The following CPM variants were observed in gnomAD, a reference collection of about 807,000 sequenced individuals.
CPM encodes the protein renal carboxypeptidase.
A neutral mutation model predicts 46.4 loss-of-function variants in CPM; 35 were observed. That is an observed-to-expected ratio of 0.75 (90% CI 0.58 to 1.00). CPM has a LOEUF of 1.00. CPM is among the 50% of genes least tolerant of loss of function. The pLI, the probability that CPM is intolerant of heterozygous loss-of-function variation, is 0.00. For missense variants in CPM, 422 were observed against 530.4 expected (o/e 0.80, Z 2.01); for synonymous variants, 195 against 195.3 (o/e 1.00, Z 0.01).
At chr12:68,861,457 C>T (rs1351518610) in intron 7 of CPM, among the ~76,000 whole-genome samples, 1 of 152,042 alleles carries the variant, frequency 6.6e-6, no homozygotes, top group African/African-American at 2.4e-5. Context: ...GTTGACTTCC[C>T]CAAAACCAAC....
At chr12:68,898,954 A>G (rs916235175) in intron 2 of CPM, among the ~76,000 whole-genome samples, 6 of 152,238 alleles carry the variant, frequency 3.9e-5, no homozygotes, top group African/African-American at 1.4e-4. Flanking sequence ...CCTCAGGTGT[A>G]CAAATTGGCT....
chr12:68,926,712 C>A (rs527357877), intron 2 of CPM, among the ~76,000 whole-genome samples: 34 of 152,200 alleles, frequency 2.2e-4, no homozygotes, highest in Non-Finnish European at 4.3e-4. Flanking sequence ...TCCCTCCCCG[C>A]TCCCCCAACC....
At chr12:68,861,411 ATGGTGTTGTGTCTGT>A (rs1171657791) in intron 7 of CPM, among the ~76,000 whole-genome samples, 2 of 152,146 alleles carry the variant, frequency 1.3e-5, no homozygotes, top group African/African-American at 4.8e-5. Context: ...CTTGTGCTGG[ATGGTGTTGTGTCTGT>A]TGGCATCTTT....
intron 3 of CPM, among the ~76,000 whole-genome samples, chr12:68,882,259 G>C (rs11177406): frequency 6.6e-6 from 1 of 152,000 alleles, no homozygotes; most frequent in African/African-American, 2.4e-5. Flanking sequence ...TCCTCAAGTA[G>C]ATGCTGGTAG....
intron 2 of CPM, among the ~76,000 whole-genome samples, chr12:68,923,442 T>C (rs1888123186): frequency 6.6e-6 from 1 of 152,144 alleles, no homozygotes. Context: ...TTTTGGATGC[T>C]GGCCACATGA....
intron 1 of CPM, among the ~76,000 whole-genome samples, chr12:68,949,013 A>G (rs1888892565): frequency 6.6e-6 from 1 of 152,190 alleles, no homozygotes. Context: ...CACAAAATAT[A>G]CTTTATTAAT....
In CPM at chr12:68,931,719, C is replaced by T. The variant is rs1298567491; in HGVS notation, c.160+959G>A. The stretch of plus-strand genomic sequence containing the variant: ...CGAGATCACGCCACTGCACTCCAGC[C>T]TGGGCAACAGAGCGAGACTCTGACC... On this transcript the variant is annotated intron_variant, in intron 2 of 8. Transcript: ENST00000551568. Among the ~76,000 whole-genome samples, 6 of 126,606 alleles carry T rather than the reference C, an allele frequency of 4.7e-5. No individual in the cohort carries two copies. The Admixed American group carries it at 5.7e-4, about 12-fold the overall frequency. 83.1% of individuals were successfully genotyped at this position (126,606 alleles called of 152,430 possible). A position where few individuals can be genotyped will look rare whatever the true frequency, so the allele number is the denominator to read the frequency against.
At chr12:68,893,515 C>T (rs1165516310) in intron 2 of CPM, among the ~76,000 whole-genome samples, 1 of 152,142 alleles carries the variant, frequency 6.6e-6, no homozygotes, top group East Asian at 1.9e-4. Context: ...GTCAGGTGTC[C>T]CAGGGGTCTT....
In CPM at chr12:68,901,110, T is replaced by C. The variant is rs1017544239; in HGVS notation, c.161-15221A>G. Among the ~76,000 whole-genome samples, 10 of 152,340 alleles carry C rather than the reference T, an allele frequency of 6.6e-5. No individual in the cohort carries two copies. In the East Asian group the frequency reaches 1.2e-3, roughly 18 times the overall value. ...ACCTTCCTCTCAATTTTGCTTTAGA[T>C]AATTTTGCTTTTGGGTACTGGTTCT... On this transcript the variant is annotated intron_variant, in intron 2 of 8. Coordinates refer to ENST00000551568, the MANE Select transcript of CPM (RefSeq NM_198320.5).
At position 68,894,966 on chromosome 12, in the gene CPM, T is replaced by C. The variant is rs1463459634; in HGVS notation, c.161-9077A>G. Among the ~76,000 whole-genome samples the C allele has an allele frequency of 2.0e-5, 3 of 147,240 alleles. No individual in the cohort carries two copies. In the Admixed American group the frequency reaches 2.1e-4, roughly 10 times the overall value. On this transcript the variant is annotated intron_variant, in intron 2 of 8. Coordinates refer to ENST00000551568, the MANE Select transcript of CPM (RefSeq NM_198320.5). ...ATCACTTGAACCTGGGAAGTGGAGG[T>C]TGCAGTAAGCCGAGATCGCACCGCT...
At chr12:68,929,395 T>C (rs1888410951) in intron 2 of CPM, among the ~76,000 whole-genome samples, 1 of 152,198 alleles carries the variant, frequency 6.6e-6, no homozygotes, top group Non-Finnish European at 1.5e-5. Flanking sequence ...GGGAGGTGCT[T>C]CCTTAATTGA....
At chr12:68,937,663 A>G (rs953463018), upstream of CPM, among the ~76,000 whole-genome samples, 2 of 152,148 alleles carry the variant, frequency 1.3e-5, no homozygotes, top group Non-Finnish European at 2.9e-5. Context: ...GTAAGATCTC[A>G]TTTAGATAAA....
chr12:68,941,370 T>TTTTG (rs937512195), intron 1 of CPM, among the ~76,000 whole-genome samples: 1 of 152,042 alleles, frequency 6.6e-6, no homozygotes, highest in Non-Finnish European at 1.5e-5. Context: ...TTATTTTGTT[T>TTTTG]TTTGTTTGTT....
upstream of CPM, among the ~76,000 whole-genome samples, chr12:68,935,776 A>C (rs1424951038): frequency 6.6e-6 from 1 of 152,100 alleles, no homozygotes; most frequent in Non-Finnish European, 1.5e-5. Context: ...GATTAAATTT[A>C]GGCAAAGTTA....
intron 2 of CPM, among the ~76,000 whole-genome samples, chr12:68,927,126 G>A (rs1296248929): frequency 3.8e-4 from 57 of 151,666 alleles, no homozygotes; most frequent in Non-Finnish European, 4.4e-4. Context: ...CTAGATCCCT[G>A]AGGAATCGCC....
intron 7 of CPM, among the ~76,000 whole-genome samples, chr12:68,861,420 T>C (rs879578836): frequency 2.0e-5 from 3 of 152,220 alleles, no homozygotes; most frequent in Non-Finnish European, 4.4e-5. Flanking sequence ...GATGGTGTTG[T>C]GTCTGTTGGC....
At chr12:68,894,849 A>G (rs973028094) in intron 2 of CPM, among the ~76,000 whole-genome samples, 3 of 152,026 alleles carry the variant, frequency 2.0e-5, no homozygotes, top group Non-Finnish European at 4.4e-5. Flanking sequence ...AGCCTGGCTA[A>G]CACAGTGAAA....
chr12:68,912,634 G>A (rs1263114356), intron 2 of CPM, among the ~76,000 whole-genome samples: 2 of 152,042 alleles, frequency 1.3e-5, no homozygotes, highest in Non-Finnish European at 2.9e-5. Context: ...ACTGAGTTTT[G>A]GAACTCAAAC....
chr12:68,885,731 T>G, intron 3 of CPM, 61 bp downstream of exon 3: 1 of 1,359,152 alleles, frequency 7.4e-7, no homozygotes, highest in Admixed American at 1.8e-5. Flanking sequence ...TATACAGAGC[T>G]CAAGAGACCC....
Sources: allele counts gnomAD v4.1 joint callset (sites outside exome capture counted in the v4.1 genomes callset), GRCh38; gene constraint gnomAD v4.1.1; transcripts MANE v1.5; gene names NCBI Gene and HGNC (gene_info 2026-07-23, HGNC 2026-07-21).